ADAMTSL1: variants seen among roughly 807,000 people sequenced by gnomAD.
The protein encoded by ADAMTSL1 is ADAMTS-like protein 1.
In ADAMTSL1, 126 loss-of-function variants were observed where a neutral mutation model predicts 201.8. The ratio of observed to expected loss-of-function variants is 0.62; its 90% CI spans 0.54 to 0.72. ADAMTSL1 has a LOEUF of 0.72. ADAMTSL1 is among the 30% of genes least tolerant of loss of function. ADAMTSL1 has a pLI of 0.00. For missense variants in ADAMTSL1, 2,679 were observed against 2,277.8 expected, an observed-to-expected ratio of 1.18 and a Z score of -3.59; for synonymous variants, 1,121 against 903.4, an observed-to-expected ratio of 1.24 and a Z score of -4.32.
chr9:17,922,793 T>C (rs1458255980), intron 1 of ADAMTSL1, among the ~76,000 whole-genome samples: 1 of 152,182 alleles, frequency 6.6e-6, no homozygotes, highest in Non-Finnish European at 1.5e-5. Context: ...ACTAAAGGTA[T>C]GAACCACCAG....
At position 17,913,863 on chromosome 9, in the gene ADAMTSL1, C is replaced by G. The variant is rs549371576; in HGVS notation, c.87+6941C>G. Among the ~76,000 whole-genome samples, 727 of 152,252 alleles carry G rather than the reference C, an allele frequency of 4.8e-3. 4 individuals carry two copies. Among genetic ancestry groups the G allele is most frequent in the African/African-American group, 0.017 (688 of 41,536 alleles). On this transcript the variant is annotated intron_variant, in intron 1 of 29. Coordinates refer to the ADAMTSL1 transcript ENST00000680146. ...TATCACCACCGATCCCACAGAAATA[C>G]AAACTACCATCAGAGAATACTGCAA...
At chr9:18,906,321 G>C (rs1424023588) in intron 27 of ADAMTSL1, among the ~76,000 whole-genome samples, 1 of 152,074 alleles carries the variant, frequency 6.6e-6, no homozygotes, top group Non-Finnish European at 1.5e-5. Context: ...TTCCTATCCA[G>C]TCCCCATCCT....
chr9:18,362,075 G>A (rs1836549052), intron 2 of ADAMTSL1: 1 of 152,284 alleles, frequency 6.6e-6, no homozygotes, highest in South Asian at 2.1e-4. Context: ...AACATTAGTT[G>A]TGTTTACCAT....
At chr9:18,782,293 G>T (rs1338297498) in intron 19 of ADAMTSL1, among the ~76,000 whole-genome samples, 2 of 152,200 alleles carry the variant, frequency 1.3e-5, no homozygotes, top group Admixed American at 1.3e-4. Flanking sequence ...ACTATAATAT[G>T]CCAGGTATAC....
chr9:18,517,670 T>C (rs2132010487), intron 2 of ADAMTSL1, among the ~76,000 whole-genome samples: 1 of 151,884 alleles, frequency 6.6e-6, no homozygotes, highest in East Asian at 2.0e-4. Flanking sequence ...TATGCAGTGT[T>C]TGGTTTTTTG....
At chr9:18,730,990 C>T (rs1188786472) in intron 15 of ADAMTSL1, among the ~76,000 whole-genome samples, 1 of 152,186 alleles carries the variant, frequency 6.6e-6, no homozygotes, top group East Asian at 1.9e-4. Flanking sequence ...TGTTAAATAC[C>T]AAGCCGTGAC....
chr9:18,199,423 T>G (rs567587514), intron 2 of ADAMTSL1, among the ~76,000 whole-genome samples: 32 of 152,162 alleles, frequency 2.1e-4, no homozygotes, highest in South Asian at 8.3e-4. Flanking sequence ...GATCACTAAA[T>G]GGAGCAATGC....
At position 18,099,355 on chromosome 9, in the gene ADAMTSL1, A is replaced by ATATT. The variant is rs1239180390; in HGVS notation, c.88-64506_88-64505insATTT. The stretch of plus-strand genomic sequence containing the variant: ...TATATATATATATATATATATATAT[A>ATATT]TTTTTTTTTTTTTTTTTAACATCCA... On this transcript the variant is annotated intron_variant, in intron 1 of 29. Coordinates refer to the ADAMTSL1 transcript ENST00000680146. Among the ~76,000 whole-genome samples the ATATT allele has an allele frequency of 6.8e-4, 31 of 45,542 alleles. No individual in the cohort carries two copies. In the East Asian group the frequency reaches 0.012, roughly 18 times the overall value. The allele number at this position is 45,542 out of a possible 152,430, so 29.9% of individuals were successfully genotyped here.
chr9:18,139,036 A>G (rs550519247), intron 1 of ADAMTSL1, among the ~76,000 whole-genome samples: 2 of 152,200 alleles, frequency 1.3e-5, no homozygotes, highest in South Asian at 4.1e-4. Flanking sequence ...ACCTGTTTTA[A>G]TTTCATTTCT....
intron 4 of ADAMTSL1, among the ~76,000 whole-genome samples, chr9:18,597,959 T>G (rs1824373418): frequency 6.6e-6 from 1 of 152,160 alleles, no homozygotes; most frequent in African/African-American, 2.4e-5. Flanking sequence ...TCATCTCTAT[T>G]GCCTCTTTGG....
chr9:18,072,409 C>T (rs1007329216), intron 1 of ADAMTSL1, among the ~76,000 whole-genome samples: 16 of 152,136 alleles, frequency 1.1e-4, no homozygotes, highest in African/African-American at 3.9e-4. Flanking sequence ...GATCATTTGC[C>T]TGCATCTTGT....
At chr9:18,063,226 A>G (rs1015338914) in intron 1 of ADAMTSL1, among the ~76,000 whole-genome samples, 7 of 152,128 alleles carry the variant, frequency 4.6e-5, no homozygotes, top group East Asian at 1.9e-4. Context: ...GTGTCTGCCT[A>G]TAGTTTCAGC....
intron 2 of ADAMTSL1, among the ~76,000 whole-genome samples, chr9:18,341,241 ACTC>A (rs1439776968): frequency 1.3e-5 from 2 of 150,968 alleles, no homozygotes; most frequent in Non-Finnish European, 3.0e-5. Flanking sequence ...TATTCTCTAT[ACTC>A]CTCTTTCAGG....
At chr9:18,248,919 T>C (rs1426736051) in intron 2 of ADAMTSL1, among the ~76,000 whole-genome samples, 1 of 152,236 alleles carries the variant, frequency 6.6e-6, no homozygotes, top group Admixed American at 6.5e-5. Flanking sequence ...CAAAGTACTA[T>C]GTGACATAGT....
At chr9:18,137,762 A>C (rs1212004395) in intron 1 of ADAMTSL1, among the ~76,000 whole-genome samples, 3 of 152,212 alleles carry the variant, frequency 2.0e-5, no homozygotes, top group Admixed American at 6.5e-5. Context: ...TCTGTTTAAT[A>C]ATTAAAGGCC....
chr9:18,683,241 T>TTTTA (rs1430781180), intron 12 of ADAMTSL1, among the ~76,000 whole-genome samples: 1 of 151,448 alleles, frequency 6.6e-6, no homozygotes, highest in Non-Finnish European at 1.5e-5. Flanking sequence ...TTTTTTTTTT[T>TTTTA]TGAGACGGAG....
chr9:18,306,181 T>A (rs1364658337), intron 2 of ADAMTSL1, among the ~76,000 whole-genome samples: 1 of 151,882 alleles, frequency 6.6e-6, no homozygotes, highest in Non-Finnish European at 1.5e-5. Flanking sequence ...ATAAACCACA[T>A]CCGAAGATCA....
At chr9:18,063,001 C>T (rs1321628708) in intron 1 of ADAMTSL1, among the ~76,000 whole-genome samples, 1 of 151,982 alleles carries the variant, frequency 6.6e-6, no homozygotes. Context: ...TGAAGTAATA[C>T]ACAGTATTCC....
chr9:18,637,478 T>G lies in ADAMTSL1; in HGVS notation c.676+1461T>G, dbSNP rs536855223. ...CATAGGAGTAGATTTAAGAGGGAAA[T>G]TTATTTTTATAAATGTATTAGTCTC... On this transcript the variant is annotated intron_variant, in intron 6 of 28. Coordinates refer to ENST00000380548, the MANE Select transcript of ADAMTSL1 (RefSeq NM_001040272.6). 2.0e-5 allele frequency among the ~76,000 whole-genome samples: 3 copies of G among 152,228 alleles called. No individual in the cohort carries two copies. The East Asian group carries it at 5.8e-4, about 29-fold the overall frequency.
Sources: allele counts gnomAD v4.1 joint callset (sites outside exome capture counted in the v4.1 genomes callset), GRCh38; gene constraint gnomAD v4.1.1; transcripts MANE v1.5; gene names NCBI Gene and HGNC (gene_info 2026-07-23, HGNC 2026-07-21).